The following HTATIP2 variants were observed in gnomAD, a reference collection of about 807,000 sequenced individuals.
The protein encoded by HTATIP2 is HIV-1 Tat interactive protein 2, also known as protein HTATIP2.
In HTATIP2, 26 loss-of-function variants were observed where a neutral mutation model predicts 24.7. The observed-to-expected ratio is 1.05, with a 90% CI of 0.77 to 1.46. The LOEUF (loss-of-function observed/expected upper bound fraction) is 1.46. Ranked by LOEUF, HTATIP2 falls within the 40% of genes most tolerant of loss-of-function variation. The probability of loss-of-function intolerance (pLI) is 0.00; values close to 1 mark genes in which losing one functional copy is unlikely to be tolerated. For missense variants in HTATIP2, 284 were observed against 289.6 expected, an observed-to-expected ratio of 0.98 and a Z score of 0.14; for synonymous variants, 99 against 113.2, an observed-to-expected ratio of 0.87 and a Z score of 0.79.
intron 3 of HTATIP2, 37 bp from the exon 4 acceptor site, chr11:20,382,141 C>A: frequency 2.4e-6 from 3 of 1,258,348 alleles, no homozygotes; most frequent in South Asian, 1.2e-5. Flanking sequence ...GTGAGCTGGT[C>A]GCGATTAAAT....
intron 3 of HTATIP2, among the ~76,000 whole-genome samples, chr11:20,377,693 T>C (rs539391341): frequency 1.3e-5 from 2 of 152,362 alleles, no homozygotes; most frequent in South Asian, 4.1e-4. Context: ...CAGAGATTAC[T>C]ATCTCGTTAG....
chr11:20,382,916 G>T, intron 4 of HTATIP2, 64 bp from the exon 5 acceptor site: 1 of 1,212,084 alleles, frequency 8.3e-7, no homozygotes, highest in Non-Finnish European at 1.2e-6. Flanking sequence ...GCCCACTGTG[G>T]TCTCAGTGCA....
intron 3 of HTATIP2, 54 bp from the exon 4 acceptor site, chr11:20,382,124 C>G: frequency 3.7e-6 from 4 of 1,075,070 alleles, no homozygotes; most frequent in Non-Finnish European, 2.9e-6. Context: ...TCTTAAACTT[C>G]ACACAGGTGA....
intron 3 of HTATIP2, 119 bp downstream of exon 3, chr11:20,376,836 T>A: frequency 1.5e-6 from 1 of 682,554 alleles, no homozygotes; most frequent in Non-Finnish European, 2.3e-6. Flanking sequence ...TATGCATTTG[T>A]ATGGCTACGG....
chr11:20,383,515 C>T lies in HTATIP2; in HGVS notation c.*310C>T, dbSNP rs375554086. The T allele has an allele frequency of 1.8e-4, 51 of 290,036 alleles. No homozygotes were observed. Among genetic ancestry groups the T allele is most frequent in the African/African-American group, 1.0e-3 (47 of 45,438 alleles). 18.0% of individuals were successfully genotyped at this position (290,036 alleles called of 1,614,324 possible). Reference sequence around the variant, plus strand: ...ATACTTCCCCTGATGCCACTGGTTCCGATGCCACTGGCTGGGGGGCCTGCT... The same window carrying T: ...ATACTTCCCCTGATGCCACTGGTTCTGATGCCACTGGCTGGGGGGCCTGCT... On this transcript the variant is annotated 3_prime_UTR_variant, in exon 5 of 5. Transcript: ENST00000451739.
At chr11:20,381,177 G>A (rs1382856853) in intron 3 of HTATIP2, among the ~76,000 whole-genome samples, 1 of 152,096 alleles carries the variant, frequency 6.6e-6, no homozygotes, top group African/African-American at 2.4e-5. Flanking sequence ...GGTGGCTCTC[G>A]CCTGTAATCC....
At chr11:20,375,261 G>A (rs915704106) in intron 2 of HTATIP2, among the ~76,000 whole-genome samples, 1 of 151,832 alleles carries the variant, frequency 6.6e-6, no homozygotes, top group African/African-American at 2.4e-5. Flanking sequence ...CTACTGAGGA[G>A]CAAATTTTTT....
At position 20,382,221 on chromosome 11, in the gene HTATIP2, A is replaced by G. The variant is rs1180236273; in HGVS notation, c.485A>G (p.Tyr162Cys). The G allele has an allele frequency of 1.3e-6, 2 of 1,587,138 alleles. No homozygotes were observed. The highest frequency in any genetic ancestry group is 1.7e-6 in the Non-Finnish European group (2 of 1,155,682). Reference sequence around the variant, plus strand: ...GTTGAAGAATTAAAATTTGATCGTTACTCTGTATTTAGGCCTGGGTAAGTA... The same window carrying G: ...GTTGAAGAATTAAAATTTGATCGTTGCTCTGTATTTAGGCCTGGGTAAGTA... ...AKVEELKFDR[Y>C]SVFRPGVLLC... Residue 162 changes from tyrosine (Y) to cysteine (C), a missense_variant, in exon 4 of 5, where the codon TAC becomes TGC. Transcript: ENST00000451739.
Position 20,383,233 on chromosome 11 carries a change from C to T in HTATIP2, c.*28C>T. 1 of 1,524,858 alleles carries T rather than the reference C, an allele frequency of 6.6e-7. No individual in the cohort carries two copies. Among genetic ancestry groups the T allele is most frequent in the Non-Finnish European group, 9.1e-7 (1 of 1,103,582 alleles). The allele number at this position is 1,524,858 out of a possible 1,614,324, so 94.5% of individuals were successfully genotyped here. On this transcript the variant is annotated 3_prime_UTR_variant, in exon 5 of 5. Transcript: ENST00000451739. ...ACATTGGAGAAATGGTTTTTATTGT[C>T]AACCTTAACACCCATCACCAAATCG...
chr11:20,379,703 G>T (rs1016628481), intron 3 of HTATIP2, among the ~76,000 whole-genome samples: 9 of 152,074 alleles, frequency 5.9e-5, no homozygotes, highest in Admixed American at 5.2e-4. Flanking sequence ...CTGTTCTCAG[G>T]GTTTATAAGC....
chr11:20,364,139 C>A lies in HTATIP2; in HGVS notation c.-99C>A. The A allele has an allele frequency of 1.4e-6, 2 of 1,478,302 alleles. No homozygotes were observed. Among genetic ancestry groups the A allele is most frequent in the Non-Finnish European group, 1.8e-6 (2 of 1,111,872 alleles). 91.6% of individuals were successfully genotyped at this position (1,478,302 alleles called of 1,614,324 possible). On this transcript the variant is annotated 5_prime_UTR_variant, in exon 1 of 5. Transcript: ENST00000451739. ...GAGCCCGGACTGCGGAGAACAATAT[C>A]CTCCTCCCTAACAGATAAACAGCCC...
rs748008659 is a variant in HTATIP2, at chr11:20,376,578, A to G, written c.304-2A>G. ...AATAACTCATGTCCTTTTCCCCCTT[A>G]GGAGGGATTTGTTCGTGTTGACCGA... On this transcript the variant is annotated splice_acceptor_variant, in intron 2 of 4. Transcript: ENST00000451739. LOFTEE classifies it high-confidence loss of function. 2.5e-6 allele frequency: 4 copies of G among 1,613,842 alleles called. No homozygotes were observed. In the South Asian group the frequency reaches 4.4e-5, roughly 18 times the overall value.
chr11:20,366,878 C>T (rs551353684), intron 1 of HTATIP2, among the ~76,000 whole-genome samples: 1 of 152,256 alleles, frequency 6.6e-6, no homozygotes, highest in Non-Finnish European at 1.5e-5. Flanking sequence ...TGGTCTCCTT[C>T]CTGGTTAGCT....
chr11:20,379,322 A>C (rs1045735952), intron 3 of HTATIP2, among the ~76,000 whole-genome samples: 6 of 152,242 alleles, frequency 3.9e-5, no homozygotes, highest in Non-Finnish European at 5.9e-5. Context: ...AATTAGATTA[A>C]TAAAGGACAG....
chr11:20,370,900 T>TG, intron 2 of HTATIP2, among the ~76,000 whole-genome samples: 1 of 152,162 alleles, frequency 6.6e-6, no homozygotes, highest in Non-Finnish European at 1.5e-5. Context: ...CTGCCCGTCT[T>TG]GGCCTCCCAA....
intron 3 of HTATIP2, among the ~76,000 whole-genome samples, chr11:20,381,499 G>T (rs1371199212): frequency 2.6e-5 from 4 of 151,700 alleles, no homozygotes; most frequent in African/African-American, 7.3e-5. Flanking sequence ...AAAAGAAAAA[G>T]ATATTTAAAA....
chr11:20,371,325 T>C, intron 2 of HTATIP2, among the ~76,000 whole-genome samples: 1 of 152,216 alleles, frequency 6.6e-6, no homozygotes, highest in Non-Finnish European at 1.5e-5. Flanking sequence ...TGGAGTTTGC[T>C]GGTTAGCTTT....
chr11:20,381,236 C>T (rs975475315), intron 3 of HTATIP2, among the ~76,000 whole-genome samples: 4 of 151,942 alleles, frequency 2.6e-5, no homozygotes, highest in Middle Eastern at 3.4e-3. Flanking sequence ...GTCAGGAGTT[C>T]GAGACCAGCC....
intron 3 of HTATIP2, among the ~76,000 whole-genome samples, chr11:20,381,739 T>G (rs948069370): frequency 1.3e-5 from 2 of 152,198 alleles, no homozygotes; most frequent in African/African-American, 4.8e-5. Context: ...CTTAAAATTT[T>G]GTGAGGTTTA....
Sources: gnomAD v4.1 joint callset for allele counts (sites outside exome capture counted in the v4.1 genomes callset) on GRCh38, gnomAD v4.1.1 for gene constraint, MANE v1.5 for transcripts, NCBI Gene and HGNC (gene_info 2026-07-23, HGNC 2026-07-21) for gene names.